Variants in NALCN observed in about 807,000 individuals in gnomAD.
The protein encoded by NALCN is sodium leak channel NALCN.
In NALCN, 111 loss-of-function variants were observed where a neutral mutation model predicts 225.3. The ratio of observed to expected loss-of-function variants is 0.49; its 90% CI spans 0.42 to 0.58. NALCN has a LOEUF of 0.58. Among genes scored for constraint, NALCN ranks in the 20% least tolerant of loss-of-function variants. The probability of loss-of-function intolerance (pLI) is 0.00; values close to 1 mark genes in which losing one functional copy is unlikely to be tolerated. For synonymous variants in NALCN, 764 were observed against 769.0 expected (o/e 0.99, Z 0.11); for missense variants, 1,378 against 2,202.4 (o/e 0.63, Z 7.49).
chr13:101,202,365 T>C (rs1037626243), intron 13 of NALCN, among the ~76,000 whole-genome samples: 4 of 152,092 alleles, frequency 2.6e-5, no homozygotes, highest in Non-Finnish European at 4.4e-5. Context: ...CTATGGTAAA[T>C]AAAAGCTCCA....
chr13:101,258,857 T>C (rs994516499), intron 10 of NALCN, among the ~76,000 whole-genome samples: 2 of 152,162 alleles, frequency 1.3e-5, no homozygotes, highest in Non-Finnish European at 2.9e-5. Flanking sequence ...TTTTAATTGG[T>C]TGGTTGGGTA....
intron 6 of NALCN, among the ~76,000 whole-genome samples, chr13:101,362,527 G>C (rs1208599728): frequency 6.6e-6 from 1 of 151,938 alleles, no homozygotes; most frequent in Admixed American, 6.6e-5. Context: ...AAAGCATTTG[G>C]TAAAATTCAA....
chr13:101,336,968 T>C (rs2045396959), intron 7 of NALCN, among the ~76,000 whole-genome samples: 1 of 152,162 alleles, frequency 6.6e-6, no homozygotes, highest in African/African-American at 2.4e-5. Flanking sequence ...TGCTAAGTTC[T>C]CTCCCACATC....
At chr13:101,350,272 C>T (rs966307940) in intron 6 of NALCN, among the ~76,000 whole-genome samples, 4 of 152,170 alleles carry the variant, frequency 2.6e-5, no homozygotes, top group African/African-American at 9.7e-5. Flanking sequence ...CCCCCTTTCC[C>T]CCAAGTATCC....
intron 15 of NALCN, among the ~76,000 whole-genome samples, chr13:101,172,344 T>G (rs372430124): frequency 1.4e-4 from 21 of 152,206 alleles, no homozygotes; most frequent in African/African-American, 5.1e-4. Flanking sequence ...TGCACCTTTA[T>G]CCCTGAGTTA....
At chr13:101,379,755 C>T (rs2046796410) in intron 3 of NALCN, among the ~76,000 whole-genome samples, 1 of 152,042 alleles carries the variant, frequency 6.6e-6, no homozygotes, top group African/African-American at 2.4e-5. Context: ...AGGAGAAACA[C>T]CTAACGTAGA....
At chr13:101,415,348 G>A (rs1002899464) in intron 1 of NALCN, among the ~76,000 whole-genome samples, 2 of 151,916 alleles carry the variant, frequency 1.3e-5, no homozygotes, top group Non-Finnish European at 2.9e-5. Context: ...CAGGGCAGTC[G>A]GGCCTAGCTG....
At chr13:101,101,771 G>T (rs1002659521) in intron 26 of NALCN, among the ~76,000 whole-genome samples, 1 of 152,096 alleles carries the variant, frequency 6.6e-6, no homozygotes, top group African/African-American at 2.4e-5. Context: ...CAGCAGAGAC[G>T]AGTGGCAGAG....
At chr13:101,112,195 CAA>C (rs56693949) in intron 18 of NALCN, among the ~76,000 whole-genome samples, 285 of 110,950 alleles carry the variant, frequency 2.6e-3, no homozygotes, top group African/African-American at 5.6e-3. Context: ...AACCACAGTT[CAA>C]AAAAAAAAAA....
intron 7 of NALCN, among the ~76,000 whole-genome samples, chr13:101,308,089 T>A (rs895118709): frequency 5.9e-5 from 9 of 152,230 alleles, no homozygotes; most frequent in African/African-American, 2.2e-4. Context: ...TTTATAACAA[T>A]AAATTTGTTT....
At chr13:101,156,020 C>T (rs969923) in intron 15 of NALCN, among the ~76,000 whole-genome samples, 122,722 of 152,116 alleles carry the variant, frequency 0.81, 49,695 homozygotes, top group East Asian at 0.99. Flanking sequence ...AATCATGTAT[C>T]TGTATAAATA....
At chr13:101,181,113 C>A (rs1158076234) in intron 14 of NALCN, 1 of 518,896 alleles carries the variant, frequency 1.9e-6, no homozygotes, top group East Asian at 5.5e-5. Context: ...GATTGTGAGA[C>A]AATGACAGAG....
chr13:101,394,789 C>T (rs1055875581), intron 3 of NALCN, among the ~76,000 whole-genome samples: 13 of 151,934 alleles, frequency 8.6e-5, no homozygotes, highest in Admixed American at 2.0e-4. Flanking sequence ...TAATATCATG[C>T]TCTAACTCTA....
intron 35 of NALCN, among the ~76,000 whole-genome samples, chr13:101,074,870 T>A (rs1487112510): frequency 6.6e-6 from 1 of 152,216 alleles, no homozygotes; most frequent in Non-Finnish European, 1.5e-5. Flanking sequence ...AAAATATTCT[T>A]CAAAACCCAC....
intron 15 of NALCN, among the ~76,000 whole-genome samples, chr13:101,148,680 G>C (rs778991523): frequency 3.9e-5 from 6 of 152,216 alleles, no homozygotes; most frequent in Non-Finnish European, 5.9e-5. Flanking sequence ...ACGGGCAGTG[G>C]CTGGCATGGC....
chr13:101,214,337 C>G (rs900006758), intron 13 of NALCN, among the ~76,000 whole-genome samples: 17 of 151,946 alleles, frequency 1.1e-4, no homozygotes, highest in Non-Finnish European at 2.1e-4. Context: ...GGAGATATAC[C>G]TAATGTAAAT....
intron 22 of NALCN, 73 bp from the exon 23 acceptor site, chr13:101,105,023 A>G: frequency 1.5e-6 from 2 of 1,334,612 alleles, no homozygotes; most frequent in South Asian, 2.4e-5. Flanking sequence ...TCATATTTGC[A>G]AACATCTCAT....
chr13:101,146,770 G>C (rs371309226), intron 15 of NALCN, among the ~76,000 whole-genome samples: 1 of 152,080 alleles, frequency 6.6e-6, no homozygotes, highest in South Asian at 2.1e-4. Flanking sequence ...TAAGCTCAGG[G>C]GATATAAAAA....
intron 7 of NALCN, among the ~76,000 whole-genome samples, chr13:101,341,164 C>A (rs9557619): frequency 3.3e-5 from 5 of 151,898 alleles, no homozygotes; most frequent in African/African-American, 1.2e-4. Flanking sequence ...CCTACAGTTA[C>A]ATTAGCTTTG....
Sources: allele counts gnomAD v4.1 joint callset (sites outside exome capture counted in the v4.1 genomes callset), GRCh38; gene constraint gnomAD v4.1.1; transcripts MANE v1.5; gene names NCBI Gene and HGNC (gene_info 2026-07-23, HGNC 2026-07-21).